PGBD5: variants seen among roughly 807,000 people sequenced by gnomAD.
PGBD5 encodes piggyBac transposable element derived 5, also known as piggyBac transposable element-derived protein 5.
In PGBD5, 14 loss-of-function variants were observed where a neutral mutation model predicts 47.9. That is an observed-to-expected ratio of 0.29 (90% confidence interval 0.19 to 0.46). The LOEUF (loss-of-function observed/expected upper bound fraction) is 0.46. Ranked by LOEUF, PGBD5 falls within the 20% of genes least tolerant of loss-of-function variation. PGBD5 has a pLI of 1.00. For synonymous variants in PGBD5, 316 were observed against 306.3 expected, an observed-to-expected ratio of 1.03 and a Z score of -0.33; for missense variants, 635 against 716.0, an observed-to-expected ratio of 0.89 and a Z score of 1.29.
chr1:230,325,903 T>G (rs1322207491), intron 5 of PGBD5, among the ~76,000 whole-genome samples: 2 of 151,918 alleles, frequency 1.3e-5, no homozygotes, highest in Non-Finnish European at 2.9e-5. Context: ...TGTCGGCAAC[T>G]CGTCACCCCA....
chr1:230,314,952 G>C lies in PGBD5; in HGVS notation c.*8473C>G, dbSNP rs928525804. 2.0e-5 allele frequency: 3 copies of C among 152,166 alleles called. No individual in the cohort carries two copies. The highest frequency in any genetic ancestry group is 2.0e-4 in the Admixed American group (3 of 15,280). 9.4% of individuals were successfully genotyped at this position (152,166 alleles called of 1,614,324 possible). On this transcript the variant is annotated 3_prime_UTR_variant, in exon 7 of 7. Transcript: ENST00000391860. The stretch of plus-strand genomic sequence containing the variant: ...CATCAATGGCGGCTCTCCTGAACTA[G>C]GGATGAGTGTGAATCTCCATTTGAG...
intron 3 of PGBD5, among the ~76,000 whole-genome samples, chr1:230,345,315 G>A (rs1389361093): frequency 6.6e-6 from 1 of 152,186 alleles, no homozygotes; most frequent in Non-Finnish European, 1.5e-5. Flanking sequence ...AGGATGAGCA[G>A]CCTCAGCGTC....
rs1667041530 is a variant in PGBD5, at chr1:230,322,113, G to T, written c.*1312C>A. 1 of 152,246 alleles carries T rather than the reference G, an allele frequency of 6.6e-6. No homozygotes were observed. The highest frequency in any genetic ancestry group is 2.1e-4 in the South Asian group (1 of 4,830). 9.4% of individuals were successfully genotyped at this position (152,246 alleles called of 1,614,324 possible). Reference sequence around the variant, plus strand: ...AAATTCCTTGTTTCTGGTCTGTGGGGATGGTCAGATCTGCCCACCACTCTG... The same window carrying T: ...AAATTCCTTGTTTCTGGTCTGTGGGTATGGTCAGATCTGCCCACCACTCTG... On this transcript the variant is annotated 3_prime_UTR_variant, in exon 7 of 7. Transcript: ENST00000391860. This position sits in a 1 kb window ranked among gnomAD's most constrained non-coding sequence, Gnocchi z 5.9.
Position 230,356,939 on chromosome 1 carries a change from G to C in PGBD5, c.714C>G (p.Ser238=). ...AGGCAGAGTCGAAGCTGTTCTGCAGGGAGTCGAGGAAGGGCTGGACCTTGT... is the reference window on the plus strand; with the variant it reads ...AGGCAGAGTCGAAGCTGTTCTGCAGCGAGTCGAGGAAGGGCTGGACCTTGT... ...GLYKVQPFLD[S]LQNSFDSAFR... Residue 238 remains serine (S), a synonymous_variant, in exon 2 of 7, where the codon TCC becomes TCG. Transcript: ENST00000391860. The C allele has an allele frequency of 6.2e-7, 1 of 1,614,184 alleles. No homozygotes were observed. The highest frequency in any genetic ancestry group is 8.5e-7 in the Non-Finnish European group (1 of 1,180,034).
chr1:230,392,985 G>A (rs540594298), intron 1 of PGBD5, among the ~76,000 whole-genome samples: 8 of 150,458 alleles, frequency 5.3e-5, no homozygotes, highest in African/African-American at 2.0e-4. Flanking sequence ...AAAAGGGAGA[G>A]CAGTGGTGGG....
chr1:230,411,974 G>A (rs553892728), intron 1 of PGBD5, among the ~76,000 whole-genome samples: 2 of 152,212 alleles, frequency 1.3e-5, no homozygotes, highest in South Asian at 2.1e-4. Flanking sequence ...AAACAAACCC[G>A]TATTTGTTAA....
At chr1:230,396,196 C>A (rs2494166) in intron 1 of PGBD5, among the ~76,000 whole-genome samples, 25,823 of 90,414 alleles carry the variant, frequency 0.29, 3,987 homozygotes, top group Non-Finnish European at 0.3. Flanking sequence ...TTTTACCCCC[C>A]CACTCTTCCC....
At chr1:230,422,344 G>A (rs1036737996) in intron 1 of PGBD5, among the ~76,000 whole-genome samples, 6 of 151,980 alleles carry the variant, frequency 3.9e-5, no homozygotes, top group Non-Finnish European at 5.9e-5. Context: ...AAAAGCAGCC[G>A]GGCCTGAATT....
intron 1 of PGBD5, among the ~76,000 whole-genome samples, chr1:230,411,027 AGCACT>A (rs1354910271): frequency 2.0e-5 from 3 of 152,166 alleles, no homozygotes; most frequent in Non-Finnish European, 4.4e-5. Flanking sequence ...CTGTAATCCC[AGCACT>A]TTGGGAGGCT....
chr1:230,369,328 C>G (rs1338300502), intron 1 of PGBD5, among the ~76,000 whole-genome samples: 5 of 152,230 alleles, frequency 3.3e-5, no homozygotes, highest in Non-Finnish European at 5.9e-5. Flanking sequence ...GGAGCCACAC[C>G]TATAAGACAG....
At chr1:230,395,995 C>T (rs919793365) in intron 1 of PGBD5, among the ~76,000 whole-genome samples, 3 of 133,386 alleles carry the variant, frequency 2.2e-5, no homozygotes, top group Non-Finnish European at 4.7e-5. Context: ...CTTTTGCTTC[C>T]CTCTTTCTTC....
At chr1:230,368,010 C>A in intron 1 of PGBD5, 9 of 1,367,878 alleles carry the variant, frequency 6.6e-6, no homozygotes, top group Non-Finnish European at 8.8e-6. Context: ...CTCTTCCCCA[C>A]GCCACACCAC....
chr1:230,325,704 T>C (rs1667105406), intron 5 of PGBD5, among the ~76,000 whole-genome samples: 1 of 151,964 alleles, frequency 6.6e-6, no homozygotes, highest in African/African-American at 2.4e-5. Context: ...CTGAAGGGGC[T>C]CTAAGCAGCA....
intron 1 of PGBD5, among the ~76,000 whole-genome samples, chr1:230,412,261 A>G (rs1657424739): frequency 6.6e-6 from 1 of 152,194 alleles, no homozygotes. Context: ...TTGAAAATCT[A>G]TGTATAATTT....
intron 1 of PGBD5, among the ~76,000 whole-genome samples, chr1:230,358,806 T>C (rs1011540114): frequency 1.3e-5 from 2 of 152,250 alleles, no homozygotes; most frequent in African/African-American, 4.8e-5. Context: ...CTATGCCGTA[T>C]AGCCTAGGTG....
At chr1:230,330,663 C>T (rs1174372301) in intron 5 of PGBD5, among the ~76,000 whole-genome samples, 5 of 152,204 alleles carry the variant, frequency 3.3e-5, no homozygotes, top group Non-Finnish European at 7.3e-5. Flanking sequence ...ACCTGAAGCA[C>T]CCACCTGAAG....
At chr1:230,373,713 AT>A (rs980419820) in intron 1 of PGBD5, among the ~76,000 whole-genome samples, 62 of 152,112 alleles carry the variant, frequency 4.1e-4, no homozygotes, top group African/African-American at 1.4e-3. Flanking sequence ...TTCTTTTTTG[AT>A]TCAGTGTCTT....
intron 1 of PGBD5, among the ~76,000 whole-genome samples, chr1:230,364,442 C>T (rs1667795616): frequency 6.6e-6 from 1 of 152,198 alleles, no homozygotes; most frequent in Non-Finnish European, 1.5e-5. Flanking sequence ...TCCGTACAGC[C>T]CTTAGAAAAC....
intron 1 of PGBD5, among the ~76,000 whole-genome samples, chr1:230,408,611 G>C (rs1442820224): frequency 6.6e-6 from 1 of 152,058 alleles, no homozygotes; most frequent in Non-Finnish European, 1.5e-5. Flanking sequence ...TAATTCAATG[G>C]GGGAAAAGCA....
Sources: allele counts gnomAD v4.1 joint callset (sites outside exome capture counted in the v4.1 genomes callset), GRCh38; gene constraint gnomAD v4.1.1; non-coding constraint Gnocchi (gnomAD v3.1); transcripts MANE v1.5; gene names NCBI Gene and HGNC (gene_info 2026-07-23, HGNC 2026-07-21).